STARD3NL: variants seen among roughly 807,000 people sequenced by gnomAD.
The protein encoded by STARD3NL is STARD3 N-terminal-like protein.
A neutral mutation model predicts 30.9 loss-of-function variants in STARD3NL; 17 were observed. The ratio of observed to expected loss-of-function variants is 0.55; its 90% CI spans 0.38 to 0.82. The LOEUF is 0.82. Ranked by LOEUF, STARD3NL falls within the 40% of genes least tolerant of loss-of-function variation. The pLI is 0.00. For missense variants in STARD3NL, 234 were observed against 277.6 expected, an observed-to-expected ratio of 0.84 and a Z score of 1.12; for synonymous variants, 112 against 100.5, an observed-to-expected ratio of 1.11 and a Z score of -0.69.
chr7:38,201,728 G>T (rs1395608500), intron 1 of STARD3NL: 1 of 140,298 alleles, frequency 7.1e-6, no homozygotes, highest in Non-Finnish European at 1.5e-5. Context: ...TTACTCTGTT[G>T]CCCAGGCTGG....
intron 6 of STARD3NL, 124 bp from the exon 7 acceptor site, chr7:38,219,441 A>T: frequency 1.6e-6 from 1 of 608,514 alleles, no homozygotes; most frequent in Non-Finnish European, 2.9e-6. Context: ...AAACATTTTT[A>T]AAGTACCTCT....
chr7:38,197,136 T>TTTCTTTCTTTCTTTCTTTCTTTC (rs1784937316), intron 1 of STARD3NL, among the ~76,000 whole-genome samples: 19 of 112,380 alleles, frequency 1.7e-4, no homozygotes, highest in African/African-American at 4.8e-4. Context: ...GCATTACCTT[T>TTTCTTTCTTTCTTTCTTTCTTTC]TTTCTTTCTT....
chr7:38,193,187 A>G (rs1288013935), intron 1 of STARD3NL, among the ~76,000 whole-genome samples: 3 of 152,180 alleles, frequency 2.0e-5, no homozygotes, highest in Non-Finnish European at 4.4e-5. Context: ...TTTGGCCTAA[A>G]TGAATTGTAA....
At chr7:38,186,032 C>T (rs1486096105) in intron 1 of STARD3NL, among the ~76,000 whole-genome samples, 2 of 152,124 alleles carry the variant, frequency 1.3e-5, no homozygotes, top group Admixed American at 6.5e-5. Flanking sequence ...CAGAGATGTC[C>T]TCATATGCAT....
At chr7:38,182,357 GTCACAAATAAAA>G (rs879546288) in intron 1 of STARD3NL, among the ~76,000 whole-genome samples, 8 of 152,184 alleles carry the variant, frequency 5.3e-5, no homozygotes, top group Admixed American at 2.6e-4. Context: ...AAGGCACACT[GTCACAAATAAAA>G]TCAGTGTTCT....
chr7:38,202,516 G>T lies in STARD3NL; in HGVS notation c.-58-4931G>T, dbSNP rs147276060. On this transcript the variant is annotated intron_variant, in intron 1 of 8. Transcript: ENST00000009041. Reference sequence around the variant, plus strand: ...GGGGAAAATATAATCTCATTAGTCCGAGAGAATCATTGGTAATATCTGATA... The same window carrying T: ...GGGGAAAATATAATCTCATTAGTCCTAGAGAATCATTGGTAATATCTGATA... Among the ~76,000 whole-genome samples, 358 of 152,126 alleles carry T rather than the reference G, an allele frequency of 2.4e-3. 2 individuals are homozygous for T. Among genetic ancestry groups the T allele is most frequent in the African/African-American group, 8.1e-3 (335 of 41,512 alleles).
chr7:38,204,226 T>C (rs1361549434), intron 1 of STARD3NL, among the ~76,000 whole-genome samples: 5 of 152,180 alleles, frequency 3.3e-5, no homozygotes, highest in African/African-American at 1.2e-4. Flanking sequence ...ATTGACCACA[T>C]AGTTGGAAGT....
intron 1 of STARD3NL, among the ~76,000 whole-genome samples, chr7:38,186,374 G>C (rs1005561133): frequency 1.3e-5 from 2 of 152,186 alleles, no homozygotes; most frequent in Admixed American, 6.5e-5. Context: ...TCTGGAAAAA[G>C]ATAGTCAACA....
rs1012615659 is a variant in STARD3NL, at chr7:38,179,582, A to G, written c.-59+1162A>G. Among the ~76,000 whole-genome samples the G allele has an allele frequency of 2.6e-5, 4 of 152,222 alleles. No homozygotes were observed. The East Asian group carries it at 7.7e-4, about 29-fold the overall frequency. ...GGACAGTTTGCCTGAGTGATTGTCT[A>G]TGCCACTCATTGTTTTAGGTTTTAG... On this transcript the variant is annotated intron_variant, in intron 1 of 8. Coordinates refer to ENST00000009041, the MANE Select transcript of STARD3NL (RefSeq NM_032016.4).
chr7:38,195,529 A>G (rs1272934476), intron 1 of STARD3NL, among the ~76,000 whole-genome samples: 1 of 152,236 alleles, frequency 6.6e-6, no homozygotes, highest in Non-Finnish European at 1.5e-5. Context: ...TAGTAATCAT[A>G]CCCAAATACT....
Position 38,178,350 on chromosome 7 carries a change from G to C in STARD3NL, c.-129G>C, listed in dbSNP as rs1192267925. On this transcript the variant is annotated 5_prime_UTR_variant, in exon 1 of 9. Coordinates refer to ENST00000009041, the MANE Select transcript of STARD3NL (RefSeq NM_032016.4). The stretch of plus-strand genomic sequence containing the variant: ...CGCCCCGCCAAGCCCCGCCCCTCAG[G>C]CCGGGGCGCGACCGCGGATCCGCAG... The C allele has an allele frequency of 6.6e-6, 1 of 152,166 alleles. No homozygotes were observed. The highest frequency in any genetic ancestry group is 6.5e-5 in the Admixed American group (1 of 15,286). The allele number at this position is 152,166 out of a possible 1,614,324, so 9.4% of individuals were successfully genotyped here.
intron 1 of STARD3NL, among the ~76,000 whole-genome samples, chr7:38,207,151 CCAGGTCAT>C (rs1445855645): frequency 6.6e-6 from 1 of 152,140 alleles, no homozygotes; most frequent in Non-Finnish European, 1.5e-5. Flanking sequence ...GAGGTTTGGT[CCAGGTCAT>C]CAGGAACACC....
At chr7:38,219,730 A>AC in intron 7 of STARD3NL, 70 bp downstream of exon 7, 1 of 1,303,396 alleles carries the variant, frequency 7.7e-7, no homozygotes, top group Non-Finnish European at 1.1e-6. Context: ...TCCTTTCCCT[A>AC]CCCCCTCTGT....
intron 1 of STARD3NL, among the ~76,000 whole-genome samples, chr7:38,199,322 C>T (rs1344866666): frequency 3.3e-5 from 5 of 152,166 alleles, no homozygotes; most frequent in Non-Finnish European, 5.9e-5. Flanking sequence ...GAAAAATACC[C>T]AAGCTTTTCC....
chr7:38,212,249 C>A (rs1785850335), intron 2 of STARD3NL, among the ~76,000 whole-genome samples: 1 of 152,224 alleles, frequency 6.6e-6, no homozygotes, highest in Non-Finnish European at 1.5e-5. Flanking sequence ...TCCCCACCCT[C>A]TGTTCCTGGC....
chr7:38,227,812 A>ATG (rs1385382764), intron 7 of STARD3NL, among the ~76,000 whole-genome samples: 1 of 151,998 alleles, frequency 6.6e-6, no homozygotes, highest in East Asian at 1.9e-4. Flanking sequence ...GGGTGTGTGT[A>ATG]TGTGTGTGTG....
chr7:38,222,854 T>C (rs1328070720), intron 7 of STARD3NL, among the ~76,000 whole-genome samples: 3 of 152,172 alleles, frequency 2.0e-5, no homozygotes, highest in Non-Finnish European at 4.4e-5. Context: ...TGTCTGAATG[T>C]TCAATTTAGG....
rs191101400 is a variant in STARD3NL, at chr7:38,194,202, C to T, written c.-58-13245C>T. On this transcript the variant is annotated intron_variant, in intron 1 of 8. Transcript: ENST00000009041. ...ATATTACTTATACTTTGAAAGTGAC[C>T]TCTTCTATAGTGGTACTTGTATTCC... Among the ~76,000 whole-genome samples the T allele has an allele frequency of 2.3e-3, 352 of 152,092 alleles. 3 individuals are homozygous for T. The highest frequency in any genetic ancestry group is 8.1e-3 in the African/African-American group (337 of 41,514).
intron 7 of STARD3NL, among the ~76,000 whole-genome samples, chr7:38,221,499 AT>A (rs1786461270): frequency 6.6e-6 from 1 of 152,190 alleles, no homozygotes; most frequent in African/African-American, 2.4e-5. Context: ...AACTCGTATT[AT>A]CCCTAATGTA....
Sources: gnomAD v4.1 joint callset for allele counts (sites outside exome capture counted in the v4.1 genomes callset) on GRCh38, gnomAD v4.1.1 for gene constraint, MANE v1.5 for transcripts, NCBI Gene and HGNC (gene_info 2026-07-23, HGNC 2026-07-21) for gene names.